RBPJ: variants seen among roughly 807,000 people sequenced by gnomAD.
The protein encoded by RBPJ is recombining binding protein suppressor of hairless.
Under a neutral mutation model 67.8 loss-of-function variants are expected in RBPJ, and 9 were observed. The ratio of observed to expected loss-of-function variants is 0.13; its 90% CI spans 0.08 to 0.23. The LOEUF is 0.23. Among genes scored for constraint, RBPJ ranks in the 10% least tolerant of loss-of-function variants. The pLI is 1.00. For missense variants in RBPJ, 305 were observed against 595.6 expected (o/e 0.51, Z 5.08); for synonymous variants, 198 against 203.3 (o/e 0.97, Z 0.22).
the RBPJ span, among the ~76,000 whole-genome samples, chr4:26,115,602 T>G: frequency 6.6e-6 from 1 of 152,184 alleles, no homozygotes; most frequent in Admixed American, 6.5e-5. Context: ...GCCAGGATGG[T>G]CTCGATTTCC....
At chr4:26,298,839 A>G (rs1721973015) in intron 1 of RBPJ, among the ~76,000 whole-genome samples, 1 of 152,226 alleles carries the variant, frequency 6.6e-6, no homozygotes, top group Non-Finnish European at 1.5e-5. Flanking sequence ...GGAAGACCAG[A>G]GGAGTTATCA....
chr4:26,150,246 A>G, the RBPJ span, among the ~76,000 whole-genome samples: 1 of 152,170 alleles, frequency 6.6e-6, no homozygotes, highest in Admixed American at 6.5e-5. Flanking sequence ...ACAACCAGTA[A>G]TGCTTTGACC....
At chr4:26,199,508 G>A (rs1033267815) in intron 1 of RBPJ, among the ~76,000 whole-genome samples, 1 of 152,204 alleles carries the variant, frequency 6.6e-6, no homozygotes, top group Non-Finnish European at 1.5e-5. Context: ...TTGGAACACA[G>A]GACAACGCCT....
At chr4:26,136,360 T>A in the RBPJ span, among the ~76,000 whole-genome samples, 1 of 152,218 alleles carries the variant, frequency 6.6e-6, no homozygotes, top group East Asian at 1.9e-4. Context: ...CCCCCAATGC[T>A]GAACCTCGGG....
the RBPJ span, among the ~76,000 whole-genome samples, chr4:26,144,473 T>C: frequency 1.7e-3 from 252 of 152,162 alleles, 2 homozygotes; most frequent in African/African-American, 5.8e-3. Flanking sequence ...TTTCGCCTTG[T>C]TGGCCAGGCT....
Position 26,323,838 on chromosome 4 carries a change from C to A in RBPJ, c.20+2790C>A, listed in dbSNP as rs144635716. Among the ~76,000 whole-genome samples, 401 of 152,176 alleles carry A rather than the reference C, an allele frequency of 2.6e-3. 3 individuals are homozygous for A. Among genetic ancestry groups the A allele is most frequent in the African/African-American group, 9.3e-3 (388 of 41,538 alleles). On this transcript the variant is annotated intron_variant, in intron 1 of 10. Transcript: ENST00000355476. ...GTAAGGCATTAGGAAAAAATTGTTTCGTTTGAAAGTTATTATACATCTCAT... is the reference window on the plus strand; with the variant it reads ...GTAAGGCATTAGGAAAAAATTGTTTAGTTTGAAAGTTATTATACATCTCAT...
At chr4:26,216,506 T>C (rs993258610) in intron 1 of RBPJ, among the ~76,000 whole-genome samples, 1 of 151,562 alleles carries the variant, frequency 6.6e-6, no homozygotes, top group Admixed American at 6.6e-5. Context: ...AAGCTAGAAA[T>C]GGGGCAAGGT....
chr4:26,400,295 T>G (rs948420686), intron 2 of RBPJ, among the ~76,000 whole-genome samples: 15 of 152,230 alleles, frequency 9.9e-5, no homozygotes, highest in Admixed American at 2.6e-4. Context: ...GGAGACATTT[T>G]TAGTTGTCAT....
chr4:26,228,887 C>A (rs1347837726), intron 1 of RBPJ, among the ~76,000 whole-genome samples: 1 of 152,180 alleles, frequency 6.6e-6, no homozygotes, highest in South Asian at 2.1e-4. Context: ...GTTTTGAGTA[C>A]GACATCTGAA....
intron 1 of RBPJ, among the ~76,000 whole-genome samples, chr4:26,184,739 C>T (rs1454826865): frequency 1.3e-5 from 2 of 152,068 alleles, no homozygotes; most frequent in African/African-American, 4.8e-5. Flanking sequence ...AAGTATCCTA[C>T]GTAATATTAA....
chr4:26,255,383 G>T, intron 1 of RBPJ, among the ~76,000 whole-genome samples: 1 of 86,866 alleles, frequency 1.2e-5, no homozygotes, highest in African/African-American at 6.0e-5. Context: ...CAGCCTGGGC[G>T]ACAGAGCGAG....
the RBPJ span, among the ~76,000 whole-genome samples, chr4:26,151,663 C>T: frequency 1.4e-4 from 22 of 152,290 alleles, no homozygotes; most frequent in African/African-American, 4.1e-4. Flanking sequence ...GTCACACCAC[C>T]GGCCGATGAC....
chr4:26,171,401 A>G (rs1340140921), intron 1 of RBPJ, among the ~76,000 whole-genome samples: 1 of 152,098 alleles, frequency 6.6e-6, no homozygotes, highest in East Asian at 1.9e-4. Flanking sequence ...GTCCTGCACA[A>G]TAAAAAAAAG....
At chr4:26,114,478 C>CATATATATATATATAT in the RBPJ span, among the ~76,000 whole-genome samples, 331 of 123,134 alleles carry the variant, frequency 2.7e-3, 7 homozygotes, top group Middle Eastern at 0.022. Context: ...AAAGAATGTA[C>CATATATATATATATAT]ATATATATAT....
chr4:26,214,623 A>G lies in RBPJ; in HGVS notation c.-167+51009A>G, dbSNP rs531257943. On this transcript the variant is annotated intron_variant, in intron 1 of 4. Coordinates refer to the RBPJ transcript ENST00000512351. Reference sequence around the variant, plus strand: ...GAAACAGAGAGAGAATGAAAAAGAAAAAAGAGAAAGAAAAAGAAAAAAGAA... The same window carrying G: ...GAAACAGAGAGAGAATGAAAAAGAAGAAAGAGAAAGAAAAAGAAAAAAGAA... 5.6e-4 allele frequency among the ~76,000 whole-genome samples: 54 copies of G among 95,984 alleles called. 1 individual carries two copies. Among genetic ancestry groups the G allele is most frequent in the African/African-American group, 2.7e-3 (53 of 19,564 alleles). The allele number at this position is 95,984 out of a possible 152,430, so 63.0% of individuals were successfully genotyped here.
At chr4:26,429,195 G>T (rs1735972120) in intron 8 of RBPJ, among the ~76,000 whole-genome samples, 3 of 152,176 alleles carry the variant, frequency 2.0e-5, no homozygotes, top group Non-Finnish European at 2.9e-5. Flanking sequence ...TGCAAACATT[G>T]TATAGACAAA....
chr4:26,124,150 C>A, the RBPJ span, among the ~76,000 whole-genome samples: 1 of 151,738 alleles, frequency 6.6e-6, no homozygotes, highest in African/African-American at 2.4e-5. Flanking sequence ...GGACACCCAT[C>A]AGCCGAGCAG....
At chr4:26,190,295 C>T (rs577233185) in intron 1 of RBPJ, among the ~76,000 whole-genome samples, 6 of 152,266 alleles carry the variant, frequency 3.9e-5, no homozygotes, top group South Asian at 4.1e-4. Context: ...CATCCCTTCA[C>T]GGACTAAGAT....
intron 1 of RBPJ, among the ~76,000 whole-genome samples, chr4:26,377,418 C>T (rs1244253905): frequency 1.3e-5 from 2 of 152,166 alleles, no homozygotes; most frequent in Non-Finnish European, 2.9e-5. Flanking sequence ...ACACTGCTTT[C>T]CCTCTCCCAA....
Sources: allele counts gnomAD v4.1 joint callset (sites outside exome capture counted in the v4.1 genomes callset), GRCh38; gene constraint gnomAD v4.1.1; transcripts MANE v1.5; gene names NCBI Gene and HGNC (gene_info 2026-07-23, HGNC 2026-07-21).